The following ENOX2 variants were observed in gnomAD, a reference collection of about 807,000 sequenced individuals.
ENOX2 encodes APK1 antigen.
In ENOX2, 36 loss-of-function variants were observed where a neutral mutation model predicts 45.0. The ratio of observed to expected loss-of-function variants is 0.80; its 90% CI spans 0.61 to 1.06. The LOEUF is 1.06. ENOX2 is among the 50% of genes least tolerant of loss of function. The pLI is 0.00. For synonymous variants in ENOX2, 174 were observed against 152.3 expected, an observed-to-expected ratio of 1.14 and a Z score of -1.05; for missense variants, 423 against 462.5, an observed-to-expected ratio of 0.91 and a Z score of 0.78.
At chrX:130,663,531 CAAAAAAAAAAA>C (rs771813859) in intron 9 of ENOX2, among the ~76,000 whole-genome samples, 2 of 43,060 alleles carry the variant, frequency 4.6e-5, no homozygotes, top group African/African-American at 9.2e-5. Context: ...ACTCCGTCTC[CAAAAAAAAAAA>C]AAAAAAAAAA....
intron 3 of ENOX2, among the ~76,000 whole-genome samples, chrX:130,739,390 C>T (rs1177270565): frequency 2.7e-5 from 3 of 112,045 alleles, no homozygotes; most frequent in Non-Finnish European, 5.6e-5. Flanking sequence ...CTATGATATT[C>T]GGTGGGTTAC....
intron 3 of ENOX2, among the ~76,000 whole-genome samples, chrX:130,725,942 C>T (rs2038594501): frequency 8.9e-6 from 1 of 112,039 alleles, no homozygotes; most frequent in Non-Finnish European, 1.9e-5. Context: ...AAGTGTTCAT[C>T]ATACCCTAGT....
At chrX:130,627,884 T>A (rs2035590123) in intron 14 of ENOX2, 74 bp downstream of exon 14, 1 of 681,405 alleles carries the variant, frequency 1.5e-6, no homozygotes, top group Non-Finnish European at 2.4e-6. Flanking sequence ...CTATTTATGC[T>A]TGAGGAGAGT....
At chrX:130,834,331 T>C (rs2077890241) in intron 2 of ENOX2, among the ~76,000 whole-genome samples, 1 of 111,785 alleles carries the variant, frequency 8.9e-6, no homozygotes, top group Non-Finnish European at 1.9e-5. Context: ...TCAGATCCTG[T>C]TGACAGCAAT....
intron 2 of ENOX2, among the ~76,000 whole-genome samples, chrX:130,809,902 G>C (rs751598960): frequency 1.8e-5 from 2 of 111,098 alleles, no homozygotes; most frequent in Non-Finnish European, 3.8e-5. Flanking sequence ...GTGGACTAGA[G>C]CTTCTTGCAC....
intron 2 of ENOX2, among the ~76,000 whole-genome samples, chrX:130,823,368 T>C (rs188408957): frequency 1.8e-5 from 2 of 111,538 alleles, no homozygotes; most frequent in African/African-American, 6.5e-5. Context: ...GAGCCGAGAA[T>C]ACCAGAAGCA....
At chrX:130,632,418 C>T (rs867003931) in intron 12 of ENOX2, among the ~76,000 whole-genome samples, 1 of 97,674 alleles carries the variant, frequency 1.0e-5, no homozygotes, top group African/African-American at 3.7e-5. Flanking sequence ...GACCAGCAGT[C>T]AAACTGAAAA....
intron 12 of ENOX2, among the ~76,000 whole-genome samples, chrX:130,632,140 C>A (rs1032542104): frequency 9.0e-6 from 1 of 111,154 alleles, no homozygotes; most frequent in East Asian, 2.8e-4. Flanking sequence ...GGTTTTTGAA[C>A]TAAAAATTAG....
At chrX:130,649,645 G>A (rs776564455) in intron 10 of ENOX2, among the ~76,000 whole-genome samples, 3 of 111,970 alleles carry the variant, frequency 2.7e-5, no homozygotes, top group African/African-American at 9.7e-5. Flanking sequence ...CTTATAAAAA[G>A]ATCTTTGGCA....
intron 5 of ENOX2, among the ~76,000 whole-genome samples, chrX:130,685,410 A>G (rs563291918): frequency 1.8e-5 from 2 of 111,893 alleles, no homozygotes; most frequent in Admixed American, 1.9e-4. Flanking sequence ...TAAAAGGATC[A>G]CTCTGTCTGT....
intron 2 of ENOX2, among the ~76,000 whole-genome samples, chrX:130,786,517 A>G (rs1603350143): frequency 1.1e-5 from 1 of 93,703 alleles, no homozygotes; most frequent in East Asian, 3.6e-4. Flanking sequence ...CGTGTCATCT[A>G]GCATTAGGTA....
chrX:130,732,727 C>T (rs1445590132), intron 3 of ENOX2, among the ~76,000 whole-genome samples: 7 of 110,552 alleles, frequency 6.3e-5, no homozygotes, highest in Non-Finnish European at 3.8e-5. Context: ...CACACACACA[C>T]GTACAGTTAA....
In ENOX2 at chrX:130,825,645, A is replaced by G. The variant is rs193187872; in HGVS notation, c.-182-41955T>C. Among the ~76,000 whole-genome samples the G allele has an allele frequency of 1.6e-3, 178 of 111,528 alleles. 1 individual carries two copies. The highest frequency in any genetic ancestry group is 5.6e-3 in the African/African-American group (172 of 30,773). ...GAAATAAACAATTCCTAAGTTTTAA[A>G]TTGTACACCATTCTGAGTAGCACAA... On this transcript the variant is annotated intron_variant, in intron 2 of 14. Transcript: ENST00000394363.
intron 3 of ENOX2, among the ~76,000 whole-genome samples, chrX:130,708,922 T>C (rs1456371599): frequency 8.9e-6 from 1 of 112,135 alleles, no homozygotes; most frequent in African/African-American, 3.2e-5. Flanking sequence ...AATCCTTACA[T>C]GCTGATAATA....
intron 1 of ENOX2, among the ~76,000 whole-genome samples, chrX:130,902,621 GC>G (rs1470162176): frequency 9.2e-6 from 1 of 109,189 alleles, no homozygotes; most frequent in African/African-American, 3.3e-5. Flanking sequence ...AGGGTTATGT[GC>G]CCAAACCTGA....
intron 2 of ENOX2, among the ~76,000 whole-genome samples, chrX:130,832,440 T>TACACACACACAC (rs61623401): frequency 1.1e-5 from 1 of 91,076 alleles, no homozygotes; most frequent in African/African-American, 3.9e-5. Context: ...CACACACACA[T>TACACACACACAC]ACACACACAC....
intron 6 of ENOX2, among the ~76,000 whole-genome samples, chrX:130,676,644 T>C (rs988691547): frequency 2.7e-5 from 3 of 111,791 alleles, no homozygotes; most frequent in African/African-American, 9.7e-5. Context: ...GAATGCTCTG[T>C]TATTATTAAG....
chrX:130,665,695 TGG>T lies in ENOX2; in HGVS notation c.960_961del (p.Asp320GlufsTer18). On this transcript the variant is annotated frameshift_variant, in exon 9 of 15. Transcript: ENST00000394363. LOFTEE classifies it high-confidence loss of function. Reference sequence around the variant, plus strand: ...GTTCTTCCGCTGGGCTTTTGTGAAGTGGTCCCATGCCTTCTGCTTGGAGGCGG... The same window carrying T: ...GTTCTTCCGCTGGGCTTTTGTGAAGTTCCCATGCCTTCTGCTTGGAGGCGG... 1 of 1,206,812 alleles carries T rather than the reference TGG, an allele frequency of 8.3e-7. No homozygotes were observed. Among genetic ancestry groups the T allele is most frequent in the Non-Finnish European group, 1.1e-6 (1 of 892,882 alleles).
intron 2 of ENOX2, among the ~76,000 whole-genome samples, chrX:130,878,222 A>T (rs1365379464): frequency 8.9e-6 from 1 of 112,101 alleles, no homozygotes; most frequent in Non-Finnish European, 1.9e-5. Context: ...CAGCCAAAGA[A>T]ATGTTCTGGA....
Sources: allele counts gnomAD v4.1 joint callset (sites outside exome capture counted in the v4.1 genomes callset), GRCh38; gene constraint gnomAD v4.1.1; transcripts MANE v1.5; gene names NCBI Gene and HGNC (gene_info 2026-07-23, HGNC 2026-07-21).